The following CDH9 variants were observed in gnomAD, a reference collection of about 807,000 sequenced individuals.
CDH9 encodes the protein cadherin 9, also known as cadherin-9.
CDH9 carries 28 observed loss-of-function variants against 70.9 expected under a neutral mutation model. That is an observed-to-expected ratio of 0.40 (90% confidence interval 0.29 to 0.54). The LOEUF is 0.54. Among genes scored for constraint, CDH9 ranks in the 20% least tolerant of loss-of-function variants. The probability of loss-of-function intolerance (pLI) is 0.59; values close to 1 mark genes in which losing one functional copy is unlikely to be tolerated. For synonymous variants in CDH9, 409 were observed against 343.1 expected (o/e 1.19, Z -2.12); for missense variants, 874 against 984.4 (o/e 0.89, Z 1.50).
chr5:27,019,633 C>CTTTAA (rs1197461802), intron 1 of CDH9, among the ~76,000 whole-genome samples: 1 of 151,772 alleles, frequency 6.6e-6, no homozygotes, highest in Non-Finnish European at 1.5e-5. Flanking sequence ...TATTTCTTAA[C>CTTTAA]ACACAGAGAA....
Position 26,890,459 on chromosome 5 carries a change from C to T in CDH9, c.1359G>A (p.Trp453Ter). Residue 453 changes from tryptophan (W) to a stop codon, truncating the protein, a stop_gained, in exon 8 of 12, where the codon TGG becomes TGA. Coordinates refer to ENST00000231021, the MANE Select transcript of CDH9 (RefSeq NM_016279.4). LOFTEE classifies it high-confidence loss of function. ...CTGTGGCTGTAACAGTGATGTTATG[C>T]CAAGGAGATGATTCCCGGTCAAGGG... ...LKALDRESSP[W>*]HNITVTATEI... is the part of the protein sequence containing the mutation. The T allele has an allele frequency of 1.9e-6, 3 of 1,613,516 alleles. No individual in the cohort carries two copies. The highest frequency in any genetic ancestry group is 2.5e-6 in the Non-Finnish European group (3 of 1,179,568).
intron 2 of CDH9, among the ~76,000 whole-genome samples, chr5:26,953,717 A>T (rs1056533008): frequency 6.6e-6 from 1 of 152,088 alleles, no homozygotes; most frequent in South Asian, 2.1e-4. Context: ...TCCATCAGAA[A>T]GTTCTGTATC....
chr5:26,911,436 G>A (rs76789858), intron 3 of CDH9, among the ~76,000 whole-genome samples: 2 of 152,046 alleles, frequency 1.3e-5, no homozygotes, highest in Non-Finnish European at 2.9e-5. Flanking sequence ...TTCATTGACC[G>A]AGTTATTTTT....
intron 2 of CDH9, among the ~76,000 whole-genome samples, chr5:26,936,861 A>ACG (rs1554037989): frequency 8.7e-6 from 1 of 115,032 alleles, no homozygotes; most frequent in Non-Finnish European, 2.1e-5. Context: ...ACACACACAC[A>ACG]CGCACACACA....
At chr5:27,029,930 C>G (rs76127529) in intron 1 of CDH9, among the ~76,000 whole-genome samples, 1 of 151,874 alleles carries the variant, frequency 6.6e-6, no homozygotes, top group African/African-American at 2.4e-5. Context: ...AAGTTAGATA[C>G]GTCAATTATG....
intron 2 of CDH9, among the ~76,000 whole-genome samples, chr5:26,931,460 G>A (rs1023383431): frequency 6.6e-6 from 1 of 152,090 alleles, no homozygotes; most frequent in African/African-American, 2.4e-5. Context: ...AGAGGTGAAA[G>A]TTTTGACACA....
intron 7 of CDH9, among the ~76,000 whole-genome samples, chr5:26,897,586 G>A (rs562677012): frequency 4.4e-4 from 67 of 152,264 alleles, no homozygotes; most frequent in African/African-American, 1.6e-3. Context: ...TATCTCAATA[G>A]ATGAAGGAAA....
chr5:26,904,162 C>A (rs1211603130), intron 5 of CDH9, among the ~76,000 whole-genome samples: 1 of 144,704 alleles, frequency 6.9e-6, no homozygotes, highest in Non-Finnish European at 1.6e-5. Context: ...CTGGGGCTTT[C>A]AAAATGGTCA....
intron 2 of CDH9, among the ~76,000 whole-genome samples, chr5:26,964,231 G>C (rs778210006): frequency 1.3e-5 from 2 of 151,444 alleles, no homozygotes; most frequent in African/African-American, 4.8e-5. Context: ...ACAAGCACAC[G>C]CATTCATGGT....
chr5:26,899,311 C>T (rs77174682), intron 7 of CDH9, among the ~76,000 whole-genome samples: 1 of 152,248 alleles, frequency 6.6e-6, no homozygotes, highest in African/African-American at 2.4e-5. Context: ...CCAGCAATCC[C>T]ACTACTGGGT....
At chr5:26,970,909 T>A (rs1179431812) in intron 2 of CDH9, among the ~76,000 whole-genome samples, 3 of 152,150 alleles carry the variant, frequency 2.0e-5, no homozygotes, top group Non-Finnish European at 4.4e-5. Flanking sequence ...TGTTCACATA[T>A]AATTCAAGTT....
At chr5:27,003,595 GAAAACAAAAC>G (rs1375107371) in intron 1 of CDH9, among the ~76,000 whole-genome samples, 1 of 151,900 alleles carries the variant, frequency 6.6e-6, no homozygotes, top group African/African-American at 2.4e-5. Context: ...TGAGCTCAGT[GAAAACAAAAC>G]AAAACAAAAC....
At chr5:26,939,363 C>T (rs1180337798) in intron 2 of CDH9, among the ~76,000 whole-genome samples, 1 of 151,620 alleles carries the variant, frequency 6.6e-6, no homozygotes, top group African/African-American at 2.4e-5. Flanking sequence ...AGAAGGTAAT[C>T]TCATTTCACA....
At chr5:27,002,663 C>T (rs561604746) in intron 1 of CDH9, among the ~76,000 whole-genome samples, 71 of 152,076 alleles carry the variant, frequency 4.7e-4, no homozygotes, top group African/African-American at 1.5e-3. Flanking sequence ...AGCAAACTAA[C>T]GCAAGGACAA....
intron 1 of CDH9, among the ~76,000 whole-genome samples, chr5:27,000,267 G>A (rs1379840975): frequency 6.6e-6 from 1 of 152,000 alleles, no homozygotes; most frequent in Non-Finnish European, 1.5e-5. Context: ...CATAAAAATG[G>A]CCAAAATTTT....
intron 1 of CDH9, among the ~76,000 whole-genome samples, chr5:27,001,863 C>T (rs1300282817): frequency 2.6e-5 from 4 of 151,846 alleles, no homozygotes; most frequent in South Asian, 2.1e-4. Context: ...CTCTCTCTCT[C>T]TCTCTCTCTC....
chr5:26,970,483 T>C (rs1214192332), intron 2 of CDH9, among the ~76,000 whole-genome samples: 1 of 152,120 alleles, frequency 6.6e-6, no homozygotes, highest in East Asian at 1.9e-4. Flanking sequence ...ATACACATGA[T>C]TGACATGATT....
intron 11 of CDH9, among the ~76,000 whole-genome samples, chr5:26,883,041 T>A (rs6894697): frequency 0.023 from 1,352 of 57,882 alleles, 48 homozygotes; most frequent in African/African-American, 0.076. Context: ...CAGGATCATC[T>A]TATATATATA....
chr5:26,940,858 T>G (rs915339086), intron 2 of CDH9, among the ~76,000 whole-genome samples: 2 of 152,236 alleles, frequency 1.3e-5, no homozygotes, highest in African/African-American at 4.8e-5. Flanking sequence ...AAGGGCACCT[T>G]GCTTGTTTAG....
Sources: gnomAD v4.1 joint callset for allele counts (sites outside exome capture counted in the v4.1 genomes callset) on GRCh38, gnomAD v4.1.1 for gene constraint, MANE v1.5 for transcripts, NCBI Gene and HGNC (gene_info 2026-07-23, HGNC 2026-07-21) for gene names.